RASGRF1: variants seen among roughly 807,000 people sequenced by gnomAD.
RASGRF1 encodes ras-specific guanine nucleotide-releasing factor 1.
Under a neutral mutation model 138.7 loss-of-function variants are expected in RASGRF1, and 40 were observed. The observed-to-expected ratio is 0.29, with a 90% CI of 0.22 to 0.38. The LOEUF (loss-of-function observed/expected upper bound fraction) is 0.38. RASGRF1 is among the 10% of genes least tolerant of loss of function. RASGRF1 has a pLI of 1.00. For synonymous variants in RASGRF1, 614 were observed against 663.2 expected (o/e 0.93, Z 1.14); for missense variants, 1,108 against 1,650.4 (o/e 0.67, Z 5.69).
intron 24 of RASGRF1, chr15:78,978,372 G>C: frequency 3.1e-6 from 1 of 327,680 alleles, no homozygotes; most frequent in Non-Finnish European, 4.4e-6. Flanking sequence ...TTATAGGCAT[G>C]TGCCACCACG....
At position 79,015,371 on chromosome 15, in the gene RASGRF1, G is replaced by A. The variant is rs117903160; in HGVS notation, c.1782C>T (p.Asn594=). 305 of 1,614,038 alleles carry A rather than the reference G, an allele frequency of 1.9e-4. 3 individuals are homozygous for A. In the East Asian group the frequency reaches 5.8e-3, roughly 31 times the overall value. Reference sequence around the variant, plus strand: ...TGACCTTGGAATTTTCTTCAAATGCGTTCATCATGAGCCCATTGCATCGGA... The same window carrying A: ...TGACCTTGGAATTTTCTTCAAATGCATTCATCATGAGCCCATTGCATCGGA... The part of the protein sequence containing the change: ...DNIRCNGLMM[N]AFEENSKVTV... The change falls in exon 13 of 27, where the codon AAC becomes AAT. Residue 594 remains asparagine, a synonymous_variant. Transcript: ENST00000558480.
chr15:79,041,796 A>C (rs1390801282), intron 5 of RASGRF1, among the ~76,000 whole-genome samples: 1 of 152,110 alleles, frequency 6.6e-6, no homozygotes, highest in Non-Finnish European at 1.5e-5. Context: ...GTTGCATTGC[A>C]CCAGTCACTC....
At chr15:79,019,343 A>C (rs551899195) in intron 11 of RASGRF1, among the ~76,000 whole-genome samples, 76 of 152,178 alleles carry the variant, frequency 5.0e-4, no homozygotes, top group African/African-American at 1.8e-3. Context: ...CCCACCCCCT[A>C]ATCTGAATAA....
Position 79,028,799 on chromosome 15 carries a change from A to T in RASGRF1, c.1263-940T>A, listed in dbSNP as rs144551024. 1.1e-4 allele frequency among the ~76,000 whole-genome samples: 17 copies of T among 152,334 alleles called. No homozygotes were observed. The East Asian group carries it at 3.3e-3, about 29-fold the overall frequency. On this transcript the variant is annotated intron_variant, in intron 8 of 26. Coordinates refer to ENST00000558480, the MANE Select transcript of RASGRF1 (RefSeq NM_001145648.3). ...AAGACCAACAAGAAGGCTGGTTAAT[A>T]TGTGCGGCTTACAAACTTCTCTCAT...
chr15:79,005,214 A>T (rs1365043609), intron 14 of RASGRF1: 2 of 985,374 alleles, frequency 2.0e-6, no homozygotes, highest in African/African-American at 3.5e-5. Flanking sequence ...GGAGGAGGGA[A>T]CAGAAGAGGG....
chr15:79,089,665 C>G (rs2058027583), intron 1 of RASGRF1, among the ~76,000 whole-genome samples: 1 of 152,238 alleles, frequency 6.6e-6, no homozygotes. Flanking sequence ...CCGAACCGAC[C>G]CGTGTAGCCC....
At chr15:79,083,717 C>A (rs1454926416) in intron 1 of RASGRF1, among the ~76,000 whole-genome samples, 2 of 152,212 alleles carry the variant, frequency 1.3e-5, no homozygotes, top group African/African-American at 4.8e-5. Flanking sequence ...CTCCTGGGTT[C>A]ATGGCCCAGC....
In RASGRF1 at chr15:78,998,175, C is replaced by G; in HGVS notation, c.2887G>C (p.Val963Leu). The G allele has an allele frequency of 6.2e-7, 1 of 1,614,200 alleles. No individual in the cohort carries two copies. Among genetic ancestry groups the G allele is most frequent in the Non-Finnish European group, 8.5e-7 (1 of 1,180,016 alleles). The change falls in exon 19 of 27, where the codon GTG becomes CTG. Residue 963 changes from valine to leucine, a missense_variant. By Grantham distance (32) the Val-to-Leu change is conservative. Transcript: ENST00000558480. ...ATGACTTCTTCCAGGAAGCCGATCA[C>G]CTTGCATTTGAGCTCATCGTTGGTC... ...FETNDELKCK[V>L]IGFLEEVMHD...
At chr15:79,035,291 T>G (rs16970460) in intron 5 of RASGRF1, 81 bp from the exon 6 acceptor site, 44,030 of 1,160,422 alleles carry the variant, frequency 0.038, 1,017 homozygotes, top group Admixed American at 0.08. Flanking sequence ...ACCTCCTGCG[T>G]GACTTCAGCA....
chr15:79,085,616 C>T (rs1252251984), intron 1 of RASGRF1, among the ~76,000 whole-genome samples: 1 of 152,128 alleles, frequency 6.6e-6, no homozygotes, highest in African/African-American at 2.4e-5. Flanking sequence ...ATGGTGACAA[C>T]AGAATAGCTA....
At chr15:79,001,518 G>A in intron 16 of RASGRF1, 144 bp downstream of exon 16, 1 of 1,092,726 alleles carries the variant, frequency 9.2e-7, no homozygotes, top group Middle Eastern at 2.2e-4. Flanking sequence ...TGGTGGGTGG[G>A]TTATGAAATA....
intron 2 of RASGRF1, among the ~76,000 whole-genome samples, 181 bp downstream of exon 2, chr15:79,064,239 C>T (rs1011606713): frequency 2.0e-5 from 3 of 152,226 alleles, no homozygotes; most frequent in Non-Finnish European, 4.4e-5. Flanking sequence ...CCCTGTGGCA[C>T]TGAGAGGCTC....
intron 12 of RASGRF1, among the ~76,000 whole-genome samples, chr15:79,016,458 T>C (rs2056880268): frequency 6.6e-6 from 1 of 152,208 alleles, no homozygotes. Context: ...CAGAGTGTTA[T>C]GGAGGCAGGA....
chr15:79,072,267 CT>C (rs758415767), intron 1 of RASGRF1, among the ~76,000 whole-genome samples: 99 of 61,562 alleles, frequency 1.6e-3, no homozygotes, highest in East Asian at 0.012. Context: ...GATAAACAAT[CT>C]TTTTTTTTTT....
rs1421508093 is a variant in RASGRF1, at chr15:79,025,460, C to T, written c.1396G>A (p.Val466Met). 1 of 1,612,830 alleles carries T rather than the reference C, an allele frequency of 6.2e-7. No individual in the cohort carries two copies. Residue 466 changes from valine (V) to methionine (M), a missense_variant, in exon 10 of 27, where the codon GTG (valine) becomes ATG (methionine). By Grantham distance (21) the Val-to-Met change is conservative (BLOSUM62 1). Around this residue, in one of 3 missense-constraint regions of RASGRF1, gnomAD observed 169 missense variants for 344.2 expected, o/e 0.49. Transcript: ENST00000558480. Reference protein sequence around the residue: ...TFVRQGSLIQVPMSEKGKITR... With the variant: ...TFVRQGSLIQMPMSEKGKITR... Reference sequence around the variant, plus strand: ...ATCTTGCCCTTTTCAGACATGGGCACCTGAATGAGGGAACCTGTGGGTGGA... The same window carrying T: ...ATCTTGCCCTTTTCAGACATGGGCATCTGAATGAGGGAACCTGTGGGTGGA...
intron 1 of RASGRF1, among the ~76,000 whole-genome samples, chr15:79,089,887 C>A (rs949216561): frequency 2.0e-5 from 3 of 152,170 alleles, no homozygotes; most frequent in Non-Finnish European, 4.4e-5. Context: ...TTTGGCTGGA[C>A]GTGTGTCCAG....
At chr15:79,049,154 G>A (rs575491979) in intron 4 of RASGRF1, among the ~76,000 whole-genome samples, 8 of 152,250 alleles carry the variant, frequency 5.3e-5, no homozygotes, top group African/African-American at 1.9e-4. Flanking sequence ...GTGGCCCTGG[G>A]GGTCTTGGCA....
At chr15:79,031,980 C>T (rs890776452) in intron 7 of RASGRF1, 143 bp downstream of exon 7, 71 of 1,020,508 alleles carry the variant, frequency 7.0e-5, no homozygotes, top group African/African-American at 5.5e-4. Context: ...CCAGCATTGT[C>T]GGCTGCTGGC....
intron 13 of RASGRF1, among the ~76,000 whole-genome samples, chr15:79,007,545 G>GT (rs5813951): frequency 0.037 from 4,082 of 108,912 alleles, 209 homozygotes; most frequent in African/African-American, 0.11. Context: ...GCCGTATCTA[G>GT]TTTTTTTTTT....
Sources: allele counts gnomAD v4.1 joint callset (sites outside exome capture counted in the v4.1 genomes callset), GRCh38; gene constraint gnomAD v4.1.1; regional missense constraint gnomAD v4.1.1; transcripts MANE v1.5; gene names NCBI Gene and HGNC (gene_info 2026-07-23, HGNC 2026-07-21).